The following PCDH15 variants were observed in gnomAD, a reference collection of about 807,000 sequenced individuals.
PCDH15 encodes the protein protocadherin-15.
PCDH15 carries 129 observed loss-of-function variants against 178.5 expected under a neutral mutation model. The ratio of observed to expected loss-of-function variants is 0.72; its 90% confidence interval spans 0.63 to 0.84. The LOEUF (loss-of-function observed/expected upper bound fraction) is 0.84, where lower values mean the gene tolerates loss of function less well. PCDH15 is among the 40% of genes least tolerant of loss of function. The probability of loss-of-function intolerance (pLI) is 0.00; values close to 1 mark genes in which losing one functional copy is unlikely to be tolerated. For missense variants in PCDH15, 2,230 were observed against 2,099.9 expected (o/e 1.06, Z -1.21); for synonymous variants, 800 against 732.0 (o/e 1.09, Z -1.50).
At chr10:54,356,108 A>G (rs1361709) in intron 5 of PCDH15, among the ~76,000 whole-genome samples, 17,474 of 152,074 alleles carry the variant, frequency 0.11, 1,789 homozygotes, top group African/African-American at 0.28. Flanking sequence ...TAAATACAGA[A>G]GGGAAAGCTG....
intron 2 of PCDH15, among the ~76,000 whole-genome samples, chr10:55,540,866 G>A (rs573970886): frequency 1.5e-4 from 23 of 152,070 alleles, no homozygotes; most frequent in African/African-American, 5.3e-4. Flanking sequence ...TTAGAATTTT[G>A]TCTTATATTT....
chr10:53,860,547 A>G (rs1201942566), intron 27 of PCDH15, among the ~76,000 whole-genome samples: 1 of 152,094 alleles, frequency 6.6e-6, no homozygotes, highest in Non-Finnish European at 1.5e-5. Flanking sequence ...CCTGGCCAAC[A>G]TGGTGAAACC....
At chr10:55,021,005 G>T (rs1185852414) in intron 2 of PCDH15, among the ~76,000 whole-genome samples, 1 of 152,100 alleles carries the variant, frequency 6.6e-6, no homozygotes, top group African/African-American at 2.4e-5. Flanking sequence ...CATGCAAAAT[G>T]TTTATTTCTC....
chr10:54,147,360 G>A (rs535235720), intron 14 of PCDH15, among the ~76,000 whole-genome samples: 54 of 151,924 alleles, frequency 3.6e-4, no homozygotes, highest in Admixed American at 3.3e-3. Flanking sequence ...CAGAAAAGAC[G>A]TGTATACTCA....
At chr10:54,832,894 G>C (rs991434724) in intron 3 of PCDH15, among the ~76,000 whole-genome samples, 3 of 152,202 alleles carry the variant, frequency 2.0e-5, no homozygotes, top group East Asian at 3.9e-4. Context: ...GAGAGCTCAA[G>C]AACTTCTAGA....
At chr10:55,043,888 G>C (rs1266281891) in intron 2 of PCDH15, among the ~76,000 whole-genome samples, 2 of 152,036 alleles carry the variant, frequency 1.3e-5, no homozygotes, top group Non-Finnish European at 2.9e-5. Context: ...AGAGGGATAT[G>C]AGAGGGTATT....
intron 13 of PCDH15, among the ~76,000 whole-genome samples, chr10:54,161,008 G>C (rs191825134): frequency 6.6e-6 from 1 of 151,974 alleles, no homozygotes; most frequent in African/African-American, 2.4e-5. Flanking sequence ...AGCACTTTTC[G>C]TAAGATATCT....
rs554492921 is a variant in PCDH15, at chr10:54,235,163, A to T, written c.985+1660T>A. On this transcript the variant is annotated intron_variant, in intron 9 of 37. Transcript: ENST00000644397. ...TGCTGATGATACTGCTTAACACTGC[A>T]ACTTCTACTACAATCCTCCTCTGCT... 2.6e-5 allele frequency among the ~76,000 whole-genome samples: 4 copies of T among 152,270 alleles called. No individual in the cohort carries two copies. The South Asian group carries it at 6.2e-4, about 24-fold the overall frequency.
intron 2 of PCDH15, among the ~76,000 whole-genome samples, chr10:55,556,086 T>C (rs763215956): frequency 7.2e-5 from 11 of 152,182 alleles, no homozygotes; most frequent in Non-Finnish European, 1.3e-4. Context: ...TCTCTCCATA[T>C]ATACACACAC....
At chr10:53,919,171 C>T (rs1324737994) in intron 25 of PCDH15, among the ~76,000 whole-genome samples, 3 of 152,018 alleles carry the variant, frequency 2.0e-5, no homozygotes, top group African/African-American at 7.2e-5. Flanking sequence ...TCTGGGAAGT[C>T]CCTTATCTTA....
rs1307471318 is a variant in PCDH15 at position 53,857,265 on chromosome 10, T to C, written c.3718-2A>G. On this transcript the variant is annotated splice_acceptor_variant, in intron 27 of 37. Transcript: ENST00000644397. LOFTEE classifies it high-confidence loss of function. ...ATCCAGCTGATTGACCACGGAGACCTGAAAGAAGAAAAAACAGAATTCATT... is the reference window on the plus strand; with the variant it reads ...ATCCAGCTGATTGACCACGGAGACCCGAAAGAAGAAAAAACAGAATTCATT... The C allele has an allele frequency of 6.2e-7, 1 of 1,607,334 alleles. No homozygotes were observed. Among genetic ancestry groups the C allele is most frequent in the South Asian group, 1.1e-5 (1 of 90,880 alleles).
intron 2 of PCDH15, among the ~76,000 whole-genome samples, chr10:55,023,103 G>A (rs1223056729): frequency 2.0e-5 from 3 of 152,064 alleles, no homozygotes; most frequent in Non-Finnish European, 4.4e-5. Flanking sequence ...CACCACGCCC[G>A]GTGAAGTTTT....
chr10:55,309,233 G>T (rs1446855468), intron 1 of PCDH15, among the ~76,000 whole-genome samples: 1 of 152,112 alleles, frequency 6.6e-6, no homozygotes, highest in Non-Finnish European at 1.5e-5. Flanking sequence ...ACAGTTAAAA[G>T]GCTGGGTGCT....
intron 3 of PCDH15, among the ~76,000 whole-genome samples, chr10:54,821,794 T>C (rs569314427): frequency 1.1e-3 from 174 of 152,238 alleles, no homozygotes; most frequent in Non-Finnish European, 1.8e-3. Context: ...TTTGGTAGAT[T>C]CTCCACCAAG....
At chr10:55,004,297 T>A (rs888905185) in intron 2 of PCDH15, among the ~76,000 whole-genome samples, 18 of 151,966 alleles carry the variant, frequency 1.2e-4, no homozygotes, top group African/African-American at 4.1e-4. Flanking sequence ...CACGATGAGA[T>A]TTCTCACGAT....
chr10:55,115,640 T>C (rs2132060644), intron 2 of PCDH15, among the ~76,000 whole-genome samples: 1 of 152,312 alleles, frequency 6.6e-6, no homozygotes, highest in South Asian at 2.1e-4. Context: ...TTATAGTCTG[T>C]ATAAAGCCTT....
chr10:54,382,788 T>C (rs536160927), intron 3 of PCDH15, among the ~76,000 whole-genome samples: 1 of 152,290 alleles, frequency 6.6e-6, no homozygotes, highest in East Asian at 1.9e-4. Flanking sequence ...GCAGAGTACC[T>C]GGCTATGCTG....
At chr10:54,321,010 T>A (rs1461397476) in intron 7 of PCDH15, among the ~76,000 whole-genome samples, 4 of 151,316 alleles carry the variant, frequency 2.6e-5, no homozygotes, top group South Asian at 4.1e-4. Context: ...TATATATATA[T>A]AAACTGGAAG....
At chr10:53,822,605 A>G in intron 32 of PCDH15, 1 of 1,614,052 alleles carries the variant, frequency 6.2e-7, no homozygotes. Flanking sequence ...AAGAATGTAA[A>G]ACACAAGGCC....
Sources: allele counts gnomAD v4.1 joint callset (sites outside exome capture counted in the v4.1 genomes callset), GRCh38; gene constraint gnomAD v4.1.1; transcripts MANE v1.5; gene names NCBI Gene and HGNC (gene_info 2026-07-23, HGNC 2026-07-21).